PHTF2: variants seen among roughly 807,000 people sequenced by gnomAD.
The protein encoded by PHTF2 is putative homeodomain transcription factor 2.
In PHTF2, 60 loss-of-function variants were observed where a neutral mutation model predicts 101.2. That is an observed-to-expected ratio of 0.59 (90% CI 0.48 to 0.73). PHTF2 has a LOEUF of 0.73. Ranked by LOEUF, PHTF2 falls within the 30% of genes least tolerant of loss-of-function variation. The pLI is 0.00. For synonymous variants in PHTF2, 311 were observed against 307.3 expected (o/e 1.01, Z -0.13); for missense variants, 747 against 908.7 (o/e 0.82, Z 2.29).
At chr7:77,864,257 C>T (rs1438183679) in intron 3 of PHTF2, among the ~76,000 whole-genome samples, 1 of 152,162 alleles carries the variant, frequency 6.6e-6, no homozygotes, top group Non-Finnish European at 1.5e-5. Flanking sequence ...CTGCTTTTGT[C>T]TTCTAAATAT....
At chr7:77,872,776 G>T (rs1469694963) in intron 3 of PHTF2, among the ~76,000 whole-genome samples, 1 of 152,142 alleles carries the variant, frequency 6.6e-6, no homozygotes, top group East Asian at 1.9e-4. Context: ...GAGGTCAGTA[G>T]GTCTAAAGTG....
At chr7:77,836,056 T>G (rs1795434630) in intron 1 of PHTF2, among the ~76,000 whole-genome samples, 1 of 139,294 alleles carries the variant, frequency 7.2e-6, no homozygotes, top group Non-Finnish European at 1.5e-5. Flanking sequence ...AGGCAGAGGT[T>G]GCGGTGAGCT....
intron 11 of PHTF2, chr7:77,923,891 A>G (rs922837676): frequency 1.2e-4 from 114 of 972,968 alleles, no homozygotes; most frequent in Non-Finnish European, 1.3e-4. Context: ...AGCGCAGAAC[A>G]TTATTCTACC....
intron 8 of PHTF2, 126 bp from the exon 8 acceptor site, chr7:77,910,109 TCTAGTAAATC>T: frequency 1.6e-6 from 1 of 624,136 alleles, no homozygotes; most frequent in South Asian, 2.4e-5. Context: ...TTAAATTTTA[TCTAGTAAATC>T]TAAATTTTAT....
chr7:77,940,133 A>G (rs1260036323), exon 14 of PHTF2: 2 of 1,613,870 alleles, frequency 1.2e-6, no homozygotes, highest in South Asian at 1.1e-5. Context: ...CAAGCTACAG[A>G]CTTGGAACAA....
chr7:77,948,835 T>C (rs1361487569), intron 16 of PHTF2, among the ~76,000 whole-genome samples: 3 of 152,088 alleles, frequency 2.0e-5, no homozygotes, highest in African/African-American at 7.2e-5. Context: ...CTGCTGAGAG[T>C]ATAAATTGGT....
chr7:77,903,939 T>C (rs547212980), intron 7 of PHTF2, among the ~76,000 whole-genome samples: 20 of 152,368 alleles, frequency 1.3e-4, no homozygotes, highest in African/African-American at 4.6e-4. Flanking sequence ...GTTTTTTTTA[T>C]TTCAATTACA....
At chr7:77,901,881 G>T (rs1403949847) in exon 7 of PHTF2, 1 of 1,599,264 alleles carries the variant, frequency 6.3e-7, no homozygotes, top group African/African-American at 1.3e-5. Flanking sequence ...AACATCAAAG[G>T]TCATCTTTTT....
At chr7:77,898,596 G>A (rs943324660) in intron 5 of PHTF2, among the ~76,000 whole-genome samples, 1 of 152,118 alleles carries the variant, frequency 6.6e-6, no homozygotes, top group Non-Finnish European at 1.5e-5. Context: ...ATTATTTGGG[G>A]TAGCTATGTT....
At chr7:77,895,494 GTTA>G (rs1374044941) in intron 5 of PHTF2, among the ~76,000 whole-genome samples, 2 of 152,112 alleles carry the variant, frequency 1.3e-5, no homozygotes, top group Non-Finnish European at 2.9e-5. Flanking sequence ...CTCTTTGACA[GTTA>G]GAAAGCCTTT....
chr7:77,805,981 C>G (rs1792941372), intron 1 of PHTF2, among the ~76,000 whole-genome samples: 1 of 152,030 alleles, frequency 6.6e-6, no homozygotes, highest in South Asian at 2.1e-4. Context: ...TCGAGACCAG[C>G]CTGGCCAACA....
At chr7:77,891,574 GTTT>G (rs959690244) in intron 3 of PHTF2, among the ~76,000 whole-genome samples, 6 of 83,404 alleles carry the variant, frequency 7.2e-5, no homozygotes, top group African/African-American at 5.7e-4. Flanking sequence ...GTATAATATG[GTTT>G]TTTTTTGTTG....
intron 3 of PHTF2, among the ~76,000 whole-genome samples, chr7:77,889,572 ATTTTCTTTTTTTTTTT>A (rs1800178580): frequency 8.7e-6 from 1 of 114,592 alleles, no homozygotes; most frequent in East Asian, 2.4e-4. Flanking sequence ...TTCTGGTAGT[ATTTTCTTTTTTTTTTT>A]TTTTCCTTTT....
chr7:77,939,589 C>CAAAAAAA (rs914007792), intron 13 of PHTF2, among the ~76,000 whole-genome samples: 3 of 74,940 alleles, frequency 4.0e-5, no homozygotes, highest in Admixed American at 1.6e-4. Flanking sequence ...GACCCTGTCT[C>CAAAAAAA]AAAAAAAAAA....
chr7:77,832,078 T>G (rs1795119480), intron 1 of PHTF2, among the ~76,000 whole-genome samples: 1 of 152,038 alleles, frequency 6.6e-6, no homozygotes, highest in Admixed American at 6.6e-5. Context: ...GGTAGCACAT[T>G]TCAGTGATGC....
At chr7:77,903,193 T>C (rs1203679932) in intron 7 of PHTF2, among the ~76,000 whole-genome samples, 1 of 152,202 alleles carries the variant, frequency 6.6e-6, no homozygotes, top group Non-Finnish European at 1.5e-5. Flanking sequence ...AGCTGATTGC[T>C]ATTTTTTGCT....
chr7:77,878,180 A>G (rs919264223), intron 3 of PHTF2, among the ~76,000 whole-genome samples: 1 of 152,138 alleles, frequency 6.6e-6, no homozygotes, highest in Non-Finnish European at 1.5e-5. Context: ...AAATTGGTCT[A>G]TGAAATTTTG....
At chr7:77,847,685 A>G (rs2091402) in intron 2 of PHTF2, among the ~76,000 whole-genome samples, 89,950 of 152,138 alleles carry the variant, frequency 0.59, 28,844 homozygotes, top group African/African-American at 0.86. Flanking sequence ...CACTTCAAGC[A>G]TTTATCATTT....
intron 5 of PHTF2, among the ~76,000 whole-genome samples, chr7:77,898,641 T>C (rs552589003): frequency 6.6e-6 from 1 of 152,312 alleles, no homozygotes; most frequent in South Asian, 2.1e-4. Context: ...AATTAGTGCA[T>C]ACTGAACCAT....
Sources: allele counts gnomAD v4.1 joint callset (sites outside exome capture counted in the v4.1 genomes callset), GRCh38; gene constraint gnomAD v4.1.1; transcripts MANE v1.5; gene names NCBI Gene and HGNC (gene_info 2026-07-23, HGNC 2026-07-21).